Variants in CLUL1 observed in about 807,000 individuals in gnomAD.
CLUL1 encodes clusterin like 1.
CLUL1 carries 43 observed loss-of-function variants against 49.4 expected under a neutral mutation model. The ratio of observed to expected loss-of-function variants is 0.87; its 90% confidence interval spans 0.68 to 1.12. The LOEUF (loss-of-function observed/expected upper bound fraction) is 1.12. CLUL1 is among the 50% of genes most tolerant of loss of function. The probability of loss-of-function intolerance (pLI) is 0.00; values close to 1 mark genes in which losing one functional copy is unlikely to be tolerated. For missense variants in CLUL1, 486 were observed against 544.4 expected, an observed-to-expected ratio of 0.89 and a Z score of 1.07; for synonymous variants, 192 against 184.9, an observed-to-expected ratio of 1.04 and a Z score of -0.31.
At position 633,334 on chromosome 18, in the gene CLUL1, C is replaced by G. The variant is rs1371811422; in HGVS notation, c.893C>G (p.Pro298Arg). 7 of 1,612,544 alleles carry G rather than the reference C, an allele frequency of 4.3e-6. No individual in the cohort carries two copies. The highest frequency in any genetic ancestry group is 5.9e-6 in the Non-Finnish European group (7 of 1,179,164). The change falls in exon 7 of 10, where the codon CCT (proline) becomes CGT (arginine). Residue 298 changes from proline to arginine, a missense_variant. Coordinates refer to ENST00000692774, the MANE Select transcript of CLUL1 (RefSeq NM_001393344.1). Reference protein sequence around the residue: ...DHGGLISKMLPGQDRGLCGEL... With the variant: ...DHGGLISKMLRGQDRGLCGEL... ...GGAGGCCTGATTTCAAAGATGTTAC[C>G]TGGGCAGGACAGAGGACTGTGTGGG...
Position 607,047 on chromosome 18 carries a change from C to G in CLUL1, c.-66C>G, listed in dbSNP as rs1372393051. The G allele has an allele frequency of 1.4e-6, 1 of 701,576 alleles. No homozygotes were observed. The highest frequency in any genetic ancestry group is 2.6e-6 in the Non-Finnish European group (1 of 384,566). 43.5% of individuals were successfully genotyped at this position (701,576 alleles called of 1,614,324 possible). On this transcript the variant is annotated 5_prime_UTR_variant, in exon 2 of 10. Coordinates refer to ENST00000692774, the MANE Select transcript of CLUL1 (RefSeq NM_001393344.1). The stretch of plus-strand genomic sequence containing the variant: ...TCATAGCTCACTGAAGCCTCAAATT[C>G]CTGGGTTCAAGTGACCCTCCTACCT...
chr18:627,583 GT>G, intron 6 of CLUL1, 54 bp downstream of exon 6: 1 of 1,278,844 alleles, frequency 7.8e-7, no homozygotes. Context: ...GTCAAGTTTT[GT>G]TTAGCTTCAG....
intron 5 of CLUL1, 47 bp downstream of exon 5, chr18:625,079 A>G (rs372418169): frequency 8.8e-5 from 138 of 1,562,482 alleles, no homozygotes; most frequent in Non-Finnish European, 1.2e-4. Context: ...TGAGGCACCT[A>G]TTTCAGCTTA....
At chr18:632,433 C>T (rs1298330373) in intron 6 of CLUL1, among the ~76,000 whole-genome samples, 3 of 152,030 alleles carry the variant, frequency 2.0e-5, no homozygotes, top group African/African-American at 7.2e-5. Flanking sequence ...AAGAAACAGA[C>T]ATTTCTAATA....
chr18:601,214 T>C (rs1223516320), intron 1 of CLUL1, among the ~76,000 whole-genome samples: 1 of 152,224 alleles, frequency 6.6e-6, no homozygotes, highest in African/African-American at 2.4e-5. Flanking sequence ...TATCTTGTGC[T>C]GATAGCCCCA....
intron 8 of CLUL1, 61 bp downstream of exon 8, chr18:641,602 T>A: frequency 7.5e-7 from 1 of 1,341,130 alleles, no homozygotes; most frequent in Non-Finnish European, 1.1e-6. Flanking sequence ...ATTTCACTGT[T>A]AATTTACTTA....
At chr18:611,560 T>TCAAGA (rs2073136660) in intron 2 of CLUL1, among the ~76,000 whole-genome samples, 1 of 152,034 alleles carries the variant, frequency 6.6e-6, no homozygotes, top group Non-Finnish European at 1.5e-5. Context: ...GGGCAACATA[T>TCAAGA]CAAGACCCTG....
chr18:599,350 A>T (rs1435085208), intron 1 of CLUL1, among the ~76,000 whole-genome samples: 2 of 152,176 alleles, frequency 1.3e-5, no homozygotes, highest in African/African-American at 4.8e-5. Flanking sequence ...TATCTATGAA[A>T]CAGGATTGGT....
chr18:640,773 C>G (rs772600323), intron 7 of CLUL1, among the ~76,000 whole-genome samples: 1 of 152,134 alleles, frequency 6.6e-6, no homozygotes, highest in Non-Finnish European at 1.5e-5. Flanking sequence ...TGTTCTAATA[C>G]TAAGCACACA....
At chr18:623,091 G>A (rs1432779751) in intron 4 of CLUL1, among the ~76,000 whole-genome samples, 1 of 147,962 alleles carries the variant, frequency 6.8e-6, no homozygotes, top group Admixed American at 6.8e-5. Flanking sequence ...AAAGGACAAT[G>A]GCACGATCTT....
Position 627,377 on chromosome 18 carries a change from A to G in CLUL1, c.704A>G (p.Glu235Gly). 6.2e-7 allele frequency: 1 copy of G among 1,614,174 alleles called. No homozygotes were observed. The highest frequency in any genetic ancestry group is 8.5e-7 in the Non-Finnish European group (1 of 1,180,020). ...EPYFFPAFSKEPMTKADLEQC... is the reference protein window; with the variant it reads ...EPYFFPAFSKGPMTKADLEQC... The stretch of plus-strand genomic sequence containing the variant: ...TACTTTTTTCCAGCTTTCTCTAAAG[A>G]GCCGATGACAAAAGCAGATCTTGAG... Residue 235 changes from glutamate to glycine, a missense_variant, in exon 6 of 10, where the codon GAG (glutamate) becomes GGG (glycine). Coordinates refer to ENST00000692774, the MANE Select transcript of CLUL1 (RefSeq NM_001393344.1).
chr18:619,669 GTT>G (rs34422313), intron 4 of CLUL1, among the ~76,000 whole-genome samples: 1 of 148,824 alleles, frequency 6.7e-6, no homozygotes, highest in African/African-American at 2.5e-5. Flanking sequence ...TATTTGAAGA[GTT>G]TTTTTTTTTA....
chr18:614,336 G>GAAGA (rs1351242044), intron 2 of CLUL1, among the ~76,000 whole-genome samples: 1 of 150,364 alleles, frequency 6.7e-6, no homozygotes, highest in Non-Finnish European at 1.5e-5. Flanking sequence ...GGAAGGGAGG[G>GAAGA]AAGGAAGGAA....
At chr18:640,429 A>G (rs1273131210) in intron 7 of CLUL1, among the ~76,000 whole-genome samples, 1 of 149,628 alleles carries the variant, frequency 6.7e-6, no homozygotes, top group Non-Finnish European at 1.5e-5. Flanking sequence ...GAAAAGAAAA[A>G]AGAAAAAGAA....
At chr18:617,893 GAA>G in intron 2 of CLUL1, 93 bp from the exon 3 acceptor site, 1 of 993,932 alleles carries the variant, frequency 1.0e-6, no homozygotes, top group Non-Finnish European at 1.5e-6. Context: ...AAAATTGACA[GAA>G]AAATGCTTTG....
intron 9 of CLUL1, among the ~76,000 whole-genome samples, chr18:646,681 C>G (rs577247049): frequency 2.8e-4 from 43 of 151,950 alleles, no homozygotes; most frequent in Middle Eastern, 3.4e-3. Flanking sequence ...CTCTCTTCCT[C>G]TCCTCCTCTC....
intron 2 of CLUL1, among the ~76,000 whole-genome samples, chr18:616,262 A>G (rs936203071): frequency 6.6e-6 from 1 of 152,214 alleles, no homozygotes; most frequent in African/African-American, 2.4e-5. Flanking sequence ...AGTTGGTTAT[A>G]TCGCTTCATA....
rs761114202 is a variant in CLUL1 at position 627,508 on chromosome 18, G to A, written c.835G>A (p.Asp279Asn). Residue 279 changes from aspartate to asparagine, a missense_variant, in exon 6 of 10, where the codon GAT (aspartate) becomes AAT (asparagine). Asp to Asn is a conservative substitution (Grantham distance 23). Coordinates refer to ENST00000692774, the MANE Select transcript of CLUL1 (RefSeq NM_001393344.1). ...TITKMLKAIEDLPKQDKAPDH... is the reference protein window; with the variant it reads ...TITKMLKAIENLPKQDKAPDH... ...TACTAAGATGCTGAAGGCAATAGAA[G>A]ATTTACCAAAACAAGACAAAGGCAA... 5.6e-6 allele frequency: 9 copies of A among 1,608,032 alleles called. No homozygotes were observed. In the South Asian group the frequency reaches 8.9e-5, roughly 16 times the overall value.
chr18:597,828 G>A (rs1041285252), intron 1 of CLUL1: 1 of 152,234 alleles, frequency 6.6e-6, no homozygotes, highest in Non-Finnish European at 1.5e-5. Context: ...ATCAGTATTT[G>A]AGGAAACTGT....
Sources: gnomAD v4.1 joint callset for allele counts (sites outside exome capture counted in the v4.1 genomes callset) on GRCh38, gnomAD v4.1.1 for gene constraint, MANE v1.5 for transcripts, NCBI Gene and HGNC (gene_info 2026-07-23, HGNC 2026-07-21) for gene names.